POLR1C: variants seen among roughly 807,000 people sequenced by gnomAD.
The protein encoded by POLR1C is DNA-directed RNA polymerases I and III subunit RPAC1.
In POLR1C, 42 loss-of-function variants were observed where a neutral mutation model predicts 38.3. The ratio of observed to expected loss-of-function variants is 1.10; its 90% confidence interval spans 0.86 to 1.42. The LOEUF is 1.42. POLR1C is among the 40% of genes most tolerant of loss of function. The probability of loss-of-function intolerance (pLI) is 0.00; values close to 1 mark genes in which losing one functional copy is unlikely to be tolerated. For missense variants in POLR1C, 507 were observed against 450.5 expected, an observed-to-expected ratio of 1.13 and a Z score of -1.14; for synonymous variants, 163 against 163.9, an observed-to-expected ratio of 0.99 and a Z score of 0.04.
At chr6:43,542,653 T>A (rs1007294411) in intron 9 of POLR1C, among the ~76,000 whole-genome samples, 1 of 152,090 alleles carries the variant, frequency 6.6e-6, no homozygotes, top group African/African-American at 2.4e-5. Context: ...CTCAAACTCA[T>A]GACCTCAAGT....
intron 9 of POLR1C, chr6:43,548,563 A>T: frequency 9.3e-7 from 1 of 1,073,816 alleles, no homozygotes; most frequent in South Asian, 2.1e-5. Flanking sequence ...CAGTCCCAGG[A>T]AAGTCAGGCC....
At chr6:43,540,482 A>G (rs549076165) in intron 9 of POLR1C, among the ~76,000 whole-genome samples, 10 of 151,708 alleles carry the variant, frequency 6.6e-5, no homozygotes, top group African/African-American at 2.4e-4. Context: ...CCGTCTCAAA[A>G]TAAATAAATA....
chr6:43,545,689 CAA>C (rs1401712764), intron 9 of POLR1C, among the ~76,000 whole-genome samples: 1 of 151,036 alleles, frequency 6.6e-6, no homozygotes, highest in Non-Finnish European at 1.5e-5. Flanking sequence ...GCCTGGGTGA[CAA>C]AGTGAGACTC....
chr6:43,531,537 CA>C, downstream of POLR1C: 2 of 1,613,928 alleles, frequency 1.2e-6, no homozygotes, highest in Non-Finnish European at 1.7e-6. Context: ...GTTTTGAAGA[CA>C]GGAGAGTCAT....
rs1561858652 is a variant in POLR1C at position 43,521,023 on chromosome 6, T to C, written c.897T>C (p.Leu299=). 6.2e-7 allele frequency: 1 copy of C among 1,614,188 alleles called. No individual in the cohort carries two copies. Among genetic ancestry groups the C allele is most frequent in the Non-Finnish European group, 8.5e-7 (1 of 1,179,988 alleles). The change falls in exon 8 of 9, where the codon CTT becomes CTC. Residue 299 remains leucine (L), a synonymous_variant. Transcript: ENST00000642195. ...RNEKLKKVVR[L]ARVRDHYIFS... ...AGAAGCTAAAGAAGGTTGTGAGGCT[T>C]GCCCGGGTTCGAGATCATTATATCT...
At chr6:43,542,519 C>T (rs1455183344) in intron 9 of POLR1C, among the ~76,000 whole-genome samples, 1 of 152,094 alleles carries the variant, frequency 6.6e-6, no homozygotes, top group Middle Eastern at 3.2e-3. Context: ...AAGCGATTCT[C>T]CTACCTCAGC....
chr6:43,544,920 T>TG (rs1180144267), intron 9 of POLR1C, among the ~76,000 whole-genome samples: 1 of 152,190 alleles, frequency 6.6e-6, no homozygotes, highest in African/African-American at 2.4e-5. Context: ...TCGCCCAGGC[T>TG]GGAGTGCAGT....
downstream of POLR1C, chr6:43,525,891 G>C (rs1793553930): frequency 6.2e-7 from 1 of 1,613,986 alleles, no homozygotes; most frequent in Non-Finnish European, 8.5e-7. Context: ...CATAGCTGAG[G>C]GGGTGACCTC....
At chr6:43,521,793 A>C (rs1793205752), downstream of POLR1C, among the ~76,000 whole-genome samples, 1 of 152,216 alleles carries the variant, frequency 6.6e-6, no homozygotes, top group African/African-American at 2.4e-5. Context: ...GGGGCCTCCC[A>C]AAGTGTTGGG....
chr6:43,538,735 AGCCTC>A lies in POLR1C; in HGVS notation c.*4+9377_*4+9381del, dbSNP rs1794504146. The A allele has an allele frequency of 7.8e-6, 4 of 511,094 alleles. No homozygotes were observed. The African/African-American group carries it at 7.9e-5, about 10-fold the overall frequency. 31.7% of individuals were successfully genotyped at this position (511,094 alleles called of 1,614,324 possible). A position where few individuals can be genotyped will look rare whatever the true frequency, so the allele number is the denominator to read the frequency against. On this transcript the variant is annotated intron_variant, in intron 9 of 10. Transcript: ENST00000607635. ...TCTGGTTTTGGTATCAAAATAAATA[AGCCTC>A]ATAAAATGAGTTATGGAGCACTACA...
Position 43,521,211 on chromosome 6 carries a change from C to G in POLR1C, c.952C>G (p.Pro318Ala), listed in dbSNP as rs1282647681. The change falls in exon 9 of 9, where the codon CCA becomes GCA. Residue 318 changes from proline to alanine, a missense_variant. Coordinates refer to ENST00000642195, the MANE Select transcript of POLR1C (RefSeq NM_203290.4). ...FSVESTGVLP[P>A]DVLVSEAIKV... ...TGTTGAGTCAACGGGGGTGTTGCCA[C>G]CAGATGTGCTGGTGAGTGAAGCCAT... is the stretch of plus-strand genomic sequence containing the variant. The G allele has an allele frequency of 6.2e-7, 1 of 1,614,046 alleles. No homozygotes were observed. Among genetic ancestry groups the G allele is most frequent in the African/African-American group, 1.3e-5 (1 of 75,038 alleles).
chr6:43,526,776 G>T, intron 8 of POLR1C: 1 of 1,609,604 alleles, frequency 6.2e-7, no homozygotes, highest in Non-Finnish European at 8.5e-7. Flanking sequence ...GTTACTAGGT[G>T]AAGGGTGGGT....
intron 10 of POLR1C, chr6:43,561,121 G>A: frequency 2.3e-6 from 2 of 876,626 alleles, no homozygotes; most frequent in South Asian, 1.5e-5. Flanking sequence ...TGTTTCAAAA[G>A]GACTTTGTAT....
At position 43,521,198 on chromosome 6, in the gene POLR1C, G is replaced by A. The variant is rs749820918; in HGVS notation, c.939G>A (p.Thr313=). 1.9e-5 allele frequency: 30 copies of A among 1,613,926 alleles called. No homozygotes were observed. The highest frequency in any genetic ancestry group is 1.7e-4 in the Middle Eastern group (1 of 6,052). ...RDHYIFSVES[T]GVLPPDVLVS... is the part of the protein sequence containing the mutation. ...GGTCCCCAGTCTCTGTTGAGTCAACGGGGGTGTTGCCACCAGATGTGCTGG... is the reference window on the plus strand; with the variant it reads ...GGTCCCCAGTCTCTGTTGAGTCAACAGGGGTGTTGCCACCAGATGTGCTGG... Residue 313 remains threonine (T), a synonymous_variant, in exon 9 of 9, where the codon ACG becomes ACA. Transcript: ENST00000642195.
chr6:43,539,707 G>C lies in POLR1C; in HGVS notation c.*4+10348G>C, dbSNP rs978317692. ...CTGCACCGGCGTCATCCGCCATTTG[G>C]TGTTTTCTCGGAGAAGAAGCTACAT... On this transcript the variant is annotated intron_variant, in intron 9 of 10. Coordinates refer to the POLR1C transcript ENST00000607635. 87 of 682,756 alleles carry C rather than the reference G, an allele frequency of 1.3e-4. No individual in the cohort carries two copies. In the African/African-American group the frequency reaches 1.5e-3, roughly 12 times the overall value. 42.3% of individuals were successfully genotyped at this position (682,756 alleles called of 1,614,324 possible).
chr6:43,520,025 A>T (rs1055452309), intron 4 of POLR1C, 41 bp from the exon 5 acceptor site: 2 of 1,611,504 alleles, frequency 1.2e-6, no homozygotes, highest in African/African-American at 2.7e-5. Flanking sequence ...GCTGGCACTC[A>T]GACGTTTACT....
intron 9 of POLR1C, among the ~76,000 whole-genome samples, chr6:43,535,696 C>T (rs924362527): frequency 1.2e-4 from 18 of 151,682 alleles, no homozygotes; most frequent in Non-Finnish European, 2.2e-4. Context: ...CGCCTGTAGT[C>T]CCAGCTACTC....
intron 9 of POLR1C, among the ~76,000 whole-genome samples, chr6:43,537,122 A>C (rs1582208729): frequency 6.8e-6 from 1 of 147,652 alleles, no homozygotes; most frequent in Non-Finnish European, 1.5e-5. Context: ...GTGCACCACC[A>C]CACGTGAATA....
downstream of POLR1C, chr6:43,526,420 G>C (rs1793594909): frequency 2.0e-6 from 1 of 506,936 alleles, no homozygotes. Context: ...GACGATCTCT[G>C]GGAAGAGGTG....
Sources: allele counts gnomAD v4.1 joint callset (sites outside exome capture counted in the v4.1 genomes callset), GRCh38; gene constraint gnomAD v4.1.1; transcripts MANE v1.5; gene names NCBI Gene and HGNC (gene_info 2026-07-23, HGNC 2026-07-21).